FNDC3B: variants seen among roughly 807,000 people sequenced by gnomAD.
The protein encoded by FNDC3B is fibronectin type III domain-containing protein 3B.
FNDC3B carries 12 observed loss-of-function variants against 151.5 expected under a neutral mutation model. The observed-to-expected ratio is 0.08, with a 90% CI of 0.05 to 0.13. The LOEUF is 0.13. FNDC3B is among the 10% of genes least tolerant of loss of function. FNDC3B has a pLI of 1.00. For missense variants in FNDC3B, 1,214 were observed against 1,505.3 expected, an observed-to-expected ratio of 0.81 and a Z score of 3.20; for synonymous variants, 528 against 549.0, an observed-to-expected ratio of 0.96 and a Z score of 0.54.
intron 3 of FNDC3B, among the ~76,000 whole-genome samples, chr3:172,173,565 C>G (rs141367821): frequency 6.8e-6 from 1 of 147,780 alleles, no homozygotes; most frequent in African/African-American, 2.5e-5. Flanking sequence ...GAGGCCGAGG[C>G]GGGAGGATCA....
intron 3 of FNDC3B, among the ~76,000 whole-genome samples, chr3:172,179,415 G>C (rs912463633): frequency 6.6e-6 from 1 of 152,138 alleles, no homozygotes; most frequent in Non-Finnish European, 1.5e-5. Context: ...AGAAATTAAG[G>C]TGAATAAAAC....
chr3:172,361,924 G>A (rs1309145078), intron 22 of FNDC3B, among the ~76,000 whole-genome samples: 10 of 152,038 alleles, frequency 6.6e-5, no homozygotes, highest in Non-Finnish European at 1.2e-4. Flanking sequence ...CTCCTGCCTC[G>A]GCTTCTCAAA....
intron 3 of FNDC3B, among the ~76,000 whole-genome samples, chr3:172,196,406 C>A (rs1724835053): frequency 6.6e-6 from 1 of 152,130 alleles, no homozygotes; most frequent in Admixed American, 6.5e-5. Context: ...AGGCTGGTCT[C>A]AAACTCTTGG....
intron 3 of FNDC3B, among the ~76,000 whole-genome samples, chr3:172,169,588 C>G (rs1295393112): frequency 2.0e-5 from 3 of 152,194 alleles, no homozygotes; most frequent in Admixed American, 6.5e-5. Context: ...AAAAACCACT[C>G]CATGGATGGG....
At chr3:172,338,694 A>AATAATGAGATGATTAT (rs1733118359) in intron 16 of FNDC3B, among the ~76,000 whole-genome samples, 1 of 152,154 alleles carries the variant, frequency 6.6e-6, no homozygotes, top group Non-Finnish European at 1.5e-5. Flanking sequence ...TCATCTCACC[A>AATAATGAGATGATTAT]CTGTAATAAT....
intron 3 of FNDC3B, among the ~76,000 whole-genome samples, chr3:172,189,761 A>G (rs1724404502): frequency 7.5e-6 from 1 of 132,466 alleles, no homozygotes; most frequent in Admixed American, 8.8e-5. Context: ...TGATTGTGCC[A>G]CTGCACAACA....
rs141678478 is a variant in FNDC3B, at chr3:172,065,279, C to T, written c.-29+25508C>T. ...CCTGGGAGGCGGAGGTTGCAGTGAG[C>T]TGAGATCGTGCCACTGCACTCCAGC... On this transcript the variant is annotated intron_variant, in intron 1 of 25. Transcript: ENST00000415807. Among the ~76,000 whole-genome samples, 849 of 152,306 alleles carry T rather than the reference C, an allele frequency of 5.6e-3. 6 individuals are homozygous for T. Among genetic ancestry groups the T allele is most frequent in the African/African-American group, 0.016 (682 of 41,550 alleles).
intron 1 of FNDC3B, among the ~76,000 whole-genome samples, chr3:172,054,401 T>C (rs1181272162): frequency 6.6e-6 from 1 of 152,214 alleles, no homozygotes. Flanking sequence ...CATGTAGGGC[T>C]CGACTCCATC....
chr3:172,388,471 A>AT (rs200926122), intron 25 of FNDC3B, among the ~76,000 whole-genome samples: 56 of 152,324 alleles, frequency 3.7e-4, no homozygotes, highest in Middle Eastern at 3.4e-3. Context: ...CAATAAAAAA[A>AT]ATCTCAAATG....
At chr3:172,135,873 G>A (rs1721334325) in intron 3 of FNDC3B, among the ~76,000 whole-genome samples, 1 of 152,188 alleles carries the variant, frequency 6.6e-6, no homozygotes, top group African/African-American at 2.4e-5. Flanking sequence ...GTAGAATATA[G>A]CAACATAAAA....
intron 3 of FNDC3B, among the ~76,000 whole-genome samples, chr3:172,151,249 C>T (rs956120166): frequency 6.6e-5 from 10 of 152,144 alleles, no homozygotes; most frequent in Non-Finnish European, 1.0e-4. Context: ...CTACCACTTC[C>T]GTGTGTTCTG....
At chr3:172,170,317 T>TCCGCTTTGCC (rs1439564245) in intron 3 of FNDC3B, among the ~76,000 whole-genome samples, 1 of 152,228 alleles carries the variant, frequency 6.6e-6, no homozygotes, top group Non-Finnish European at 1.5e-5. Context: ...TCCCCCGTGT[T>TCCGCTTTGCC]CCGCTTTGCC....
At chr3:172,144,236 AACTC>A (rs1721787483) in intron 3 of FNDC3B, among the ~76,000 whole-genome samples, 1 of 152,124 alleles carries the variant, frequency 6.6e-6, no homozygotes, top group African/African-American at 2.4e-5. Context: ...ACTGAATGAG[AACTC>A]ACTCATCACC....
At chr3:172,372,835 G>A (rs73880155) in intron 23 of FNDC3B, among the ~76,000 whole-genome samples, 5,112 of 152,248 alleles carry the variant, frequency 0.034, 250 homozygotes, top group African/African-American at 0.12. Context: ...GCTCAGTGCT[G>A]AGGTTTTACC....
chr3:172,084,269 C>T (rs1718433372), intron 1 of FNDC3B, among the ~76,000 whole-genome samples: 1 of 151,858 alleles, frequency 6.6e-6, no homozygotes. Context: ...GACAATGTTG[C>T]AAAACCCTGT....
chr3:172,287,347 C>T (rs564075843), intron 7 of FNDC3B, among the ~76,000 whole-genome samples: 5 of 152,228 alleles, frequency 3.3e-5, no homozygotes, highest in Admixed American at 2.0e-4. Context: ...ATAGATACAG[C>T]GGGCGGTCGC....
intron 25 of FNDC3B, among the ~76,000 whole-genome samples, chr3:172,385,514 A>G (rs1296766424): frequency 6.6e-6 from 1 of 152,134 alleles, no homozygotes; most frequent in Non-Finnish European, 1.5e-5. Context: ...ATAGAAAGAA[A>G]AAAATCACCC....
At chr3:172,364,271 T>C (rs1451538639) in intron 23 of FNDC3B, among the ~76,000 whole-genome samples, 1 of 152,160 alleles carries the variant, frequency 6.6e-6, no homozygotes, top group African/African-American at 2.4e-5. Context: ...GAAATCACAA[T>C]CCATGTATAA....
chr3:172,090,749 T>C (rs1455040169), intron 1 of FNDC3B, among the ~76,000 whole-genome samples: 1 of 152,126 alleles, frequency 6.6e-6, no homozygotes, highest in East Asian at 1.9e-4. Flanking sequence ...TCTGAAACTT[T>C]TTGAGTGCCA....
Sources: gnomAD v4.1 joint callset for allele counts (sites outside exome capture counted in the v4.1 genomes callset) on GRCh38, gnomAD v4.1.1 for gene constraint, MANE v1.5 for transcripts, NCBI Gene and HGNC (gene_info 2026-07-23, HGNC 2026-07-21) for gene names.